DNAJC5: variants seen among roughly 807,000 people sequenced by gnomAD.
DNAJC5 encodes the protein dnaJ homolog subfamily C member 5.
DNAJC5 carries 1 observed loss-of-function variant against 23.2 expected under a neutral mutation model. That is an observed-to-expected ratio of 0.04 (90% CI 0.02 to 0.20). The LOEUF is 0.20. Among genes scored for constraint, DNAJC5 ranks in the 10% least tolerant of loss-of-function variants. The probability of loss-of-function intolerance (pLI) is 1.00; values close to 1 mark genes in which losing one functional copy is unlikely to be tolerated. For synonymous variants in DNAJC5, 136 were observed against 120.0 expected (o/e 1.13, Z -0.87); for missense variants, 180 against 267.0 (o/e 0.67, Z 2.27).
chr20:63,902,358 C>CTTTTTT (rs34309020), intron 1 of DNAJC5, among the ~76,000 whole-genome samples: 4 of 83,324 alleles, frequency 4.8e-5, no homozygotes, highest in Admixed American at 1.5e-4. Context: ...CTGGCCTCAT[C>CTTTTTT]TTTTTTTTTT....
chr20:63,912,169 G>A (rs1348345034), intron 1 of DNAJC5, among the ~76,000 whole-genome samples: 1 of 151,952 alleles, frequency 6.6e-6, no homozygotes, highest in Non-Finnish European at 1.5e-5. Context: ...TGGGCATGGC[G>A]GCAGATGCCT....
In DNAJC5 at chr20:63,932,014, C is replaced by T. The variant is rs933808378; in HGVS notation, c.*446C>T. On this transcript the variant is annotated 3_prime_UTR_variant, in exon 5 of 5. Transcript: ENST00000360864. This position sits in a 1 kb window ranked among gnomAD's most constrained non-coding sequence, Gnocchi z 4.4. Reference sequence around the variant, plus strand: ...GTGCTGCCTGGCAGAGCTGTGTTACCGTCTTGGCCTCGGGGTCTGGTCCAC... The same window carrying T: ...GTGCTGCCTGGCAGAGCTGTGTTACTGTCTTGGCCTCGGGGTCTGGTCCAC... 9 of 321,792 alleles carry T rather than the reference C, an allele frequency of 2.8e-5. No individual in the cohort carries two copies. The highest frequency in any genetic ancestry group is 2.5e-4 in the East Asian group (3 of 11,924). 19.9% of individuals were successfully genotyped at this position (321,792 alleles called of 1,614,324 possible).
At chr20:63,910,410 G>A (rs1275624950) in intron 1 of DNAJC5, among the ~76,000 whole-genome samples, 1 of 152,030 alleles carries the variant, frequency 6.6e-6, no homozygotes, top group African/African-American at 2.4e-5. Context: ...GGGCATGGTT[G>A]CGAGTGCCTG....
intron 1 of DNAJC5, among the ~76,000 whole-genome samples, chr20:63,921,052 C>T (rs908764614): frequency 3.3e-5 from 5 of 151,512 alleles, no homozygotes; most frequent in African/African-American, 9.7e-5. Context: ...CTCCACCTCC[C>T]GGGTTCAAGT....
In DNAJC5 at chr20:63,924,041, G is replaced by T. The variant is rs569882822; in HGVS notation, c.-11-4294G>T. 2.0e-5 allele frequency among the ~76,000 whole-genome samples: 3 copies of T among 152,260 alleles called. No individual in the cohort carries two copies. The South Asian group carries it at 6.2e-4, about 32-fold the overall frequency. ...TCTGAACTCGATTCTGCTGTTGTGT[G>T]TGTGTCTTTTCCTCAGTACCAGATG... On this transcript the variant is annotated intron_variant, in intron 1 of 4. Coordinates refer to ENST00000360864, the MANE Select transcript of DNAJC5 (RefSeq NM_025219.3).
chr20:63,899,807 T>C (rs1568973597), intron 1 of DNAJC5, among the ~76,000 whole-genome samples: 1 of 151,756 alleles, frequency 6.6e-6, no homozygotes, highest in Non-Finnish European at 1.5e-5. Flanking sequence ...GGTCTCGATC[T>C]CCTGACCTTG....
At chr20:63,897,210 C>T (rs913410386) in intron 1 of DNAJC5, among the ~76,000 whole-genome samples, 2 of 152,096 alleles carry the variant, frequency 1.3e-5, no homozygotes, top group Non-Finnish European at 2.9e-5. Flanking sequence ...GCCTGGCCAA[C>T]ATGGTGAAAC....
rs1424493779 is a variant in DNAJC5, at chr20:63,920,896, C to T, written c.-11-7439C>T. Among the ~76,000 whole-genome samples, 6 of 152,044 alleles carry T rather than the reference C, an allele frequency of 3.9e-5. No individual in the cohort carries two copies. The highest frequency in any genetic ancestry group is 1.4e-4 in the African/African-American group (6 of 41,388). On this transcript the variant is annotated intron_variant, in intron 1 of 4. Coordinates refer to ENST00000360864, the MANE Select transcript of DNAJC5 (RefSeq NM_025219.3). This position sits in a 1 kb window ranked among gnomAD's most constrained non-coding sequence, Gnocchi z 4.6. ...TTCTCCATGTTGGTCAGGCTGGTCT[C>T]GAACTCCTGGCCACAAGAAGCAATC... is the stretch of plus-strand genomic sequence containing the variant.
At chr20:63,895,685 CG>C (rs1274329880) in intron 1 of DNAJC5, among the ~76,000 whole-genome samples, 1 of 151,978 alleles carries the variant, frequency 6.6e-6, no homozygotes, top group Non-Finnish European at 1.5e-5. Flanking sequence ...TCCTCTCCTG[CG>C]GGGGGACTGG....
intron 1 of DNAJC5, among the ~76,000 whole-genome samples, chr20:63,915,361 A>T (rs967583850): frequency 6.6e-6 from 1 of 151,968 alleles, no homozygotes; most frequent in African/African-American, 2.4e-5. Context: ...TGTAGTGAAC[A>T]CTGGGGCATT....
At chr20:63,916,787 C>T (rs2053518047) in intron 1 of DNAJC5, among the ~76,000 whole-genome samples, 1 of 152,164 alleles carries the variant, frequency 6.6e-6, no homozygotes, top group Non-Finnish European at 1.5e-5. Flanking sequence ...GAATGCATTC[C>T]TTTCCCAGAG....
In DNAJC5 at chr20:63,934,328, CTGCTTT is replaced by C. The variant is rs375427318; in HGVS notation, c.*2765_*2770del. The C allele has an allele frequency of 0.08, 12,133 of 152,372 alleles. 575 individuals carry two copies. The highest frequency in any genetic ancestry group is 0.087 in the African/African-American group (3,618 of 41,572). The allele number at this position is 152,372 out of a possible 1,614,324, so 9.4% of individuals were successfully genotyped here. On this transcript the variant is annotated 3_prime_UTR_variant, in exon 5 of 5. Transcript: ENST00000360864. ...ATCAGGACGCCCCCAGCACCCCTGC[CTGCTTT>C]TGCTGGTGGCAGTGACGGGACCCCG...
rs1451371144 is a variant in DNAJC5, at chr20:63,911,370, AG to A, written c.-12+16050del. ...CTTGACATTAACTTTGTGACTCACG[AG>A]GGCAGGCGTTCGTTTTCTGTGGCAC... On this transcript the variant is annotated intron_variant, in intron 1 of 4. Transcript: ENST00000360864. Among the ~76,000 whole-genome samples the A allele has an allele frequency of 3.9e-5, 6 of 152,242 alleles. No individual in the cohort carries two copies. In the East Asian group the frequency reaches 9.6e-4, roughly 24 times the overall value.
rs1411309803 is a variant in DNAJC5 at position 63,928,336 on chromosome 20, A to G, written c.-10A>G. On this transcript the variant is annotated splice_region_variant and 5_prime_UTR_variant, in exon 2 of 5. Coordinates refer to ENST00000360864, the MANE Select transcript of DNAJC5 (RefSeq NM_025219.3). The surrounding 1 kb of genome is among the most constrained non-coding windows in gnomAD (Gnocchi z 4.6). Reference sequence around the variant, plus strand: ...CTTTCTTTTTATTTTTTCTTCTAGAATAGCCTAACATGGCAGACCAGAGAC... The same window carrying G: ...CTTTCTTTTTATTTTTTCTTCTAGAGTAGCCTAACATGGCAGACCAGAGAC... 1 of 1,611,644 alleles carries G rather than the reference A, an allele frequency of 6.2e-7. No individual in the cohort carries two copies. Among genetic ancestry groups the G allele is most frequent in the East Asian group, 2.2e-5 (1 of 44,886 alleles).
At chr20:63,924,843 T>G (rs2053599078) in intron 1 of DNAJC5, among the ~76,000 whole-genome samples, 1 of 152,222 alleles carries the variant, frequency 6.6e-6, no homozygotes, top group Non-Finnish European at 1.5e-5. Context: ...CCCTGGCCAG[T>G]GATGCCCCAC....
At chr20:63,916,570 T>G (rs2053516814) in intron 1 of DNAJC5, among the ~76,000 whole-genome samples, 1 of 152,160 alleles carries the variant, frequency 6.6e-6, no homozygotes, top group African/African-American at 2.4e-5. Context: ...TGTTCAGCGG[T>G]GCATGTATTG....
intron 1 of DNAJC5, among the ~76,000 whole-genome samples, chr20:63,913,136 T>C (rs2053494129): frequency 1.3e-5 from 1 of 79,860 alleles, no homozygotes. Context: ...TTCTTTGCAG[T>C]TCCCTGTGCT....
intron 1 of DNAJC5, among the ~76,000 whole-genome samples, chr20:63,902,966 C>G (rs899904295): frequency 1.5e-4 from 23 of 151,892 alleles, no homozygotes; most frequent in Non-Finnish European, 2.4e-4. Flanking sequence ...CGTGAGCCAC[C>G]GCGCCCTGCC....
At chr20:63,922,168 A>G (rs531804123) in intron 1 of DNAJC5, among the ~76,000 whole-genome samples, 1 of 152,204 alleles carries the variant, frequency 6.6e-6, no homozygotes, top group East Asian at 1.9e-4. Flanking sequence ...TCATTACCCC[A>G]AGGAAATAGG....
Sources: gnomAD v4.1 joint callset for allele counts (sites outside exome capture counted in the v4.1 genomes callset) on GRCh38, gnomAD v4.1.1 for gene constraint, Gnocchi (gnomAD v3.1) non-coding constraint, MANE v1.5 for transcripts, NCBI Gene and HGNC (gene_info 2026-07-23, HGNC 2026-07-21) for gene names.